Variants in TASL observed in about 807,000 individuals in gnomAD.
The protein encoded by TASL is TLR adapter interacting with SLC15A4 on the lysosome.
A neutral mutation model predicts 12.9 loss-of-function variants in TASL; 6 were observed. That is an observed-to-expected ratio of 0.46 (90% CI 0.25 to 0.92). The LOEUF (loss-of-function observed/expected upper bound fraction) is 0.92, where lower values mean the gene tolerates loss of function less well. TASL is among the 40% of genes least tolerant of loss of function. The pLI, the probability that TASL is intolerant of heterozygous loss-of-function variation, is 0.17. For synonymous variants in TASL, 85 were observed against 79.3 expected (o/e 1.07, Z -0.38); for missense variants, 165 against 212.8 (o/e 0.78, Z 1.40).
In TASL at chrX:30,560,094, G is replaced by T. The variant is rs1216285165; in HGVS notation, c.262C>A (p.Pro88Thr). ...TTTGGGCTTTCAAACACAGGATTGG[G>T]GTTTGTCTGCAGCACTGTGACTCTC... Reference protein sequence around the residue: ...SQRVTVLQTNPNPVFESPNLA... With the variant: ...SQRVTVLQTNTNPVFESPNLA... Residue 88 changes from proline (P) to threonine (T), a missense_variant, in exon 3 of 3, where the codon CCC (proline) becomes ACC (threonine). Transcript: ENST00000378962. The T allele has an allele frequency of 8.3e-7, 1 of 1,211,021 alleles. No individual in the cohort carries two copies. The highest frequency in any genetic ancestry group is 1.7e-5 in the African/African-American group (1 of 57,820).
At chrX:30,566,242 C>T (rs1217804329) in intron 2 of TASL, among the ~76,000 whole-genome samples, 4 of 110,977 alleles carry the variant, frequency 3.6e-5, no homozygotes, top group Non-Finnish European at 7.6e-5. Context: ...CGTGGTGGCT[C>T]ATGCCTGTAA....
At position 30,560,182 on chromosome X, in the gene TASL, G is replaced by T; in HGVS notation, c.174C>A (p.Cys58Ter). ...AAGAGATAAACTTGCCAGATGATTTGCAGCTCACGTAGAGACTTCTGACTT... is the reference window on the plus strand; with the variant it reads ...AAGAGATAAACTTGCCAGATGATTTTCAGCTCACGTAGAGACTTCTGACTT... The part of the protein sequence containing the change: ...ETQVRSLYVS[C>*]KSSGKFISSV... Residue 58 changes from cysteine (C) to a stop codon, truncating the protein, a stop_gained, in exon 3 of 3, where the codon TGC becomes TGA. Coordinates refer to ENST00000378962, the MANE Select transcript of TASL (RefSeq NM_025159.3). LOFTEE classifies it high-confidence loss of function. 8.3e-7 allele frequency: 1 copy of T among 1,210,988 alleles called. No homozygotes were observed. The highest frequency in any genetic ancestry group is 1.1e-6 in the Non-Finnish European group (1 of 895,166).
chrX:30,572,313 A>G (rs2147087382), intron 2 of TASL, among the ~76,000 whole-genome samples: 1 of 112,334 alleles, frequency 8.9e-6, no homozygotes, highest in East Asian at 2.8e-4. Context: ...TGTTGTTATC[A>G]CTTCTTCACA....
rs781054658 is a variant in TASL at position 30,559,716 on chromosome X, G to A, written c.640C>T (p.Leu214=). The change falls in exon 3 of 3, where the codon CTG becomes TTG. Residue 214 remains leucine (L), a synonymous_variant. Transcript: ENST00000378962. Reference sequence around the variant, plus strand: ...TATAACTCCACAACCTTCTGCTCCAGGTACTCATTCAGAACTGCATTAGAA... The same window carrying A: ...TATAACTCCACAACCTTCTGCTCCAAGTACTCATTCAGAACTGCATTAGAA... The part of the protein sequence containing the change: ...PISNAVLNEY[L]EQKVVELYKQ... The A allele has an allele frequency of 8.3e-6, 10 of 1,210,860 alleles. No homozygotes were observed. The South Asian group carries it at 1.6e-4, about 19-fold the overall frequency.
Position 30,559,479 on chromosome X carries a change from T to C in TASL, c.877A>G (p.Ile293Val). 1 of 1,195,252 alleles carries C rather than the reference T, an allele frequency of 8.4e-7. No individual in the cohort carries two copies. The highest frequency in any genetic ancestry group is 1.1e-6 in the Non-Finnish European group (1 of 886,889). The change falls in exon 3 of 3, where the codon ATT (isoleucine) becomes GTT (valine). Residue 293 changes from isoleucine (I) to valine (V), a missense_variant. Coordinates refer to ENST00000378962, the MANE Select transcript of TASL (RefSeq NM_025159.3). The stretch of plus-strand genomic sequence containing the variant: ...GGATTTACATTGCTATACTGAGAAA[T>C]ATGGAGACTAGGAGTGCTAATTTCA... ...ITEISTPSLHISQYSNVNP is the reference protein window; with the variant it reads ...ITEISTPSLHVSQYSNVNP
chrX:30,570,091 G>A (rs1209494398), intron 2 of TASL, among the ~76,000 whole-genome samples: 1 of 110,545 alleles, frequency 9.0e-6, no homozygotes, highest in Non-Finnish European at 1.9e-5. Flanking sequence ...CATATGTGGT[G>A]TATATATATA....
chrX:30,574,327 A>G (rs1930676158), intron 2 of TASL, among the ~76,000 whole-genome samples: 1 of 112,168 alleles, frequency 8.9e-6, no homozygotes, highest in Non-Finnish European at 1.9e-5. Flanking sequence ...CCCTACCCCA[A>G]GGTGTTCATC....
intron 2 of TASL, among the ~76,000 whole-genome samples, chrX:30,564,960 C>A (rs1416945693): frequency 2.7e-5 from 3 of 111,628 alleles, no homozygotes; most frequent in Non-Finnish European, 5.6e-5. Flanking sequence ...GGGAGGCCAC[C>A]CAGCCTCTAT....
At chrX:30,566,376 G>A (rs1256195310) in intron 2 of TASL, among the ~76,000 whole-genome samples, 2 of 110,411 alleles carry the variant, frequency 1.8e-5, no homozygotes, top group Non-Finnish European at 1.9e-5. Flanking sequence ...GCATGGTGGC[G>A]CATGCCTGCA....
At chrX:30,565,043 A>C (rs1439602260) in intron 2 of TASL, among the ~76,000 whole-genome samples, 1 of 111,885 alleles carries the variant, frequency 8.9e-6, no homozygotes, top group African/African-American at 3.3e-5. Flanking sequence ...AGACCCAATT[A>C]CAGAGTCTGC....
intron 2 of TASL, among the ~76,000 whole-genome samples, chrX:30,561,129 A>G (rs1215192897): frequency 8.9e-6 from 1 of 111,915 alleles, no homozygotes; most frequent in Non-Finnish European, 1.9e-5. Flanking sequence ...TGAGTTAAAG[A>G]ATTTTCAACA....
chrX:30,575,792 T>C (rs1046476649), intron 2 of TASL, among the ~76,000 whole-genome samples: 3 of 111,906 alleles, frequency 2.7e-5, no homozygotes, highest in Non-Finnish European at 3.8e-5. Flanking sequence ...GATGTGTGAA[T>C]TTTCTTAGTT....
intron 2 of TASL, among the ~76,000 whole-genome samples, chrX:30,563,170 C>T (rs1310463647): frequency 9.0e-6 from 1 of 111,122 alleles, no homozygotes; most frequent in African/African-American, 3.3e-5. Flanking sequence ...GAGGTGGTTT[C>T]CCCCATCCTG....
At position 30,559,939 on chromosome X, in the gene TASL, T is replaced by G. The variant is rs774813897; in HGVS notation, c.417A>C (p.Ser139=). The part of the protein sequence containing the change: ...IAGGQVMAIN[S]VTTDFPSESS... Reference sequence around the variant, plus strand: ...TCTCAGAGGGAAAATCTGTTGTCACTGAATTAATGGCCATCACCTGGCCCC... The same window carrying G: ...TCTCAGAGGGAAAATCTGTTGTCACGGAATTAATGGCCATCACCTGGCCCC... Residue 139 remains serine, a synonymous_variant, in exon 3 of 3, where the codon TCA becomes TCC. Transcript: ENST00000378962. 1.7e-6 allele frequency: 2 copies of G among 1,209,817 alleles called. No individual in the cohort carries two copies. Among genetic ancestry groups the G allele is most frequent in the African/African-American group, 1.7e-5 (1 of 57,265 alleles).
chrX:30,573,025 C>T (rs1376361959), intron 2 of TASL, among the ~76,000 whole-genome samples: 7 of 112,095 alleles, frequency 6.2e-5, no homozygotes, highest in African/African-American at 2.3e-4. Context: ...CCTTAACCTT[C>T]CAACAACACT....
chrX:30,566,432 A>C (rs1022015154), intron 2 of TASL, among the ~76,000 whole-genome samples: 100 of 110,942 alleles, frequency 9.0e-4, no homozygotes, highest in African/African-American at 3.2e-3. Flanking sequence ...GCTTGAACCC[A>C]GGAGGTGGAG....
chrX:30,575,638 TA>T (rs1286377071), intron 2 of TASL, among the ~76,000 whole-genome samples: 4 of 112,026 alleles, frequency 3.6e-5, no homozygotes, highest in Non-Finnish European at 7.5e-5. Flanking sequence ...TCTGAAAGTA[TA>T]ACTTTATGGC....
rs140211928 is a variant in TASL, at chrX:30,559,866, G to A, written c.490C>T (p.Pro164Ser). Residue 164 changes from proline to serine, a missense_variant, in exon 3 of 3, where the codon CCC becomes TCC. Physicochemically the swap from Pro to Ser is moderately conservative, Grantham distance 74 (BLOSUM62 -1). Transcript: ENST00000378962. ...TGAGTAGAAATGGAATCCTCCATGG[G>A]TAAAGGAATCTCAGATGACTTCAGC... ...PLLKSSEIPL[P>S]MEDSISTQPS... 8.3e-7 allele frequency: 1 copy of A among 1,211,558 alleles called. No individual in the cohort carries two copies. The highest frequency in any genetic ancestry group is 1.8e-5 in the South Asian group (1 of 56,917).
At chrX:30,571,640 G>C (rs760098893) in intron 2 of TASL, among the ~76,000 whole-genome samples, 5 of 109,351 alleles carry the variant, frequency 4.6e-5, no homozygotes, top group East Asian at 5.7e-4. Context: ...AAAAAAGGGG[G>C]GGGGGGCATT....
Sources: allele counts gnomAD v4.1 joint callset (sites outside exome capture counted in the v4.1 genomes callset), GRCh38; gene constraint gnomAD v4.1.1; transcripts MANE v1.5; gene names NCBI Gene and HGNC (gene_info 2026-07-23, HGNC 2026-07-21).